Variants in DNAH6 observed in about 807,000 individuals in gnomAD.
The protein encoded by DNAH6 is dynein axonemal heavy chain 6, also known as axonemal beta dynein heavy chain 6.
DNAH6 carries 340 observed loss-of-function variants against 491.4 expected under a neutral mutation model. That is an observed-to-expected ratio of 0.69 (90% CI 0.63 to 0.76). The LOEUF (loss-of-function observed/expected upper bound fraction) is 0.76. Ranked by LOEUF, DNAH6 falls within the 30% of genes least tolerant of loss-of-function variation. The pLI, the probability that DNAH6 is intolerant of heterozygous loss-of-function variation, is 0.00. For synonymous variants in DNAH6, 1,603 were observed against 1,686.1 expected (o/e 0.95, Z 1.21); for missense variants, 4,443 against 4,972.2 (o/e 0.89, Z 3.20).
At position 84,528,977 on chromosome 2, in the gene DNAH6, G is replaced by A. The variant is rs754763316; in HGVS notation, c.473G>A (p.Gly158Asp). Residue 158 changes from glycine to aspartate, a missense_variant, in exon 4 of 77, where the codon GGT becomes GAT. Physicochemically the swap from Gly to Asp is moderately conservative, Grantham distance 94. Transcript: ENST00000389394. ...CCACATACTGGTATTGGAAAAAGAG[G>A]TCTCTTTGGGACTAGATCTTCAGCT... is the stretch of plus-strand genomic sequence containing the variant. ...KLPHTGIGKR[G>D]LFGTRSSAYP... The A allele has an allele frequency of 3.9e-6, 6 of 1,550,844 alleles. No individual in the cohort carries two copies. In the East Asian group the frequency reaches 7.3e-5, roughly 19 times the overall value.
At chr2:84,586,680 G>T (rs796599009) in intron 15 of DNAH6, among the ~76,000 whole-genome samples, 6 of 152,224 alleles carry the variant, frequency 3.9e-5, no homozygotes, top group African/African-American at 1.4e-4. Context: ...ACACTTTAGG[G>T]TTTTATTATT....
chr2:84,566,677 A>G (rs1681227153), intron 11 of DNAH6, among the ~76,000 whole-genome samples: 1 of 152,006 alleles, frequency 6.6e-6, no homozygotes, highest in South Asian at 2.1e-4. Context: ...GCATAAATAG[A>G]CGTCTAAGAA....
At chr2:84,651,669 G>A (rs1221163955) in intron 33 of DNAH6, among the ~76,000 whole-genome samples, 2 of 151,984 alleles carry the variant, frequency 1.3e-5, no homozygotes, top group Non-Finnish European at 2.9e-5. Context: ...AGACACAAGG[G>A]ACTAGTCACT....
In DNAH6 at chr2:84,713,163, A is replaced by G. The variant is rs1265517601; in HGVS notation, c.9447A>G (p.Arg3149=). ...AACAAATTTTTATCAGTGGTGGCCG[A>G]CTACTCATCCGTCTTGGAGACTCAG... ...LLKQIFISGG[R]LLIRLGDSDI... Residue 3149 remains arginine (R), a synonymous_variant, in exon 57 of 77, where the codon CGA becomes CGG. Coordinates refer to ENST00000389394, the MANE Select transcript of DNAH6 (RefSeq NM_001370.2). The G allele has an allele frequency of 1.3e-6, 2 of 1,551,826 alleles. No individual in the cohort carries two copies. Among genetic ancestry groups the G allele is most frequent in the South Asian group, 2.4e-5 (2 of 84,064 alleles).
At chr2:84,560,687 C>T (rs1484433876) in intron 11 of DNAH6, among the ~76,000 whole-genome samples, 3 of 151,932 alleles carry the variant, frequency 2.0e-5, no homozygotes, top group East Asian at 1.9e-4. Context: ...TCAGTTCCCA[C>T]CTATGAGTGA....
At chr2:84,631,606 G>T (rs1573293015) in intron 29 of DNAH6, among the ~76,000 whole-genome samples, 1 of 152,106 alleles carries the variant, frequency 6.6e-6, no homozygotes, top group African/African-American at 2.4e-5. Flanking sequence ...CAGAGAGAAG[G>T]CAGCCAAGTG....
intron 74 of DNAH6, 54 bp downstream of exon 74, chr2:84,813,184 C>T (rs1157241844): frequency 2.2e-6 from 3 of 1,335,032 alleles, no homozygotes; most frequent in Middle Eastern, 3.6e-4. Flanking sequence ...TTCTCATACA[C>T]AGGGTTTTGA....
chr2:84,693,990 A>G (rs1399556556), intron 45 of DNAH6, among the ~76,000 whole-genome samples: 1 of 152,128 alleles, frequency 6.6e-6, no homozygotes, highest in Admixed American at 6.6e-5. Flanking sequence ...GGAAAAAGAG[A>G]TTTTACTTTA....
chr2:84,719,359 G>A (rs780797992), intron 59 of DNAH6, among the ~76,000 whole-genome samples: 35 of 150,360 alleles, frequency 2.3e-4, no homozygotes, highest in Non-Finnish European at 4.7e-4. Flanking sequence ...TTATTTTTTA[G>A]CAAAGTTGTA....
At chr2:84,780,377 G>A (rs1043103836) in intron 64 of DNAH6, among the ~76,000 whole-genome samples, 1 of 143,992 alleles carries the variant, frequency 6.9e-6, no homozygotes, top group Non-Finnish European at 1.6e-5. Flanking sequence ...TTGTTTTGAG[G>A]GGACAGTCTT....
chr2:84,651,527 G>C (rs1035670356), intron 33 of DNAH6, among the ~76,000 whole-genome samples: 21 of 151,920 alleles, frequency 1.4e-4, no homozygotes, highest in African/African-American at 5.1e-4. Context: ...TTTCTGTCTT[G>C]CTGGGCTGCC....
chr2:84,740,463 A>G (rs1672416827), intron 62 of DNAH6, among the ~76,000 whole-genome samples: 1 of 152,182 alleles, frequency 6.6e-6, no homozygotes, highest in African/African-American at 2.4e-5. Flanking sequence ...CACTGAGAAG[A>G]AGGGTGGCGG....
intron 54 of DNAH6, 143 bp downstream of exon 54, chr2:84,707,859 T>G: frequency 1.6e-6 from 1 of 632,684 alleles, no homozygotes; most frequent in Non-Finnish European, 2.7e-6. Flanking sequence ...TTCACAGCGC[T>G]TCACTCCCCA....
chr2:84,617,394 A>C (rs1686964075), intron 23 of DNAH6, among the ~76,000 whole-genome samples: 1 of 152,080 alleles, frequency 6.6e-6, no homozygotes. Flanking sequence ...ATGCACAATT[A>C]AATTATTACT....
the DNAH6 span, among the ~76,000 whole-genome samples, chr2:84,505,176 A>G: frequency 6.6e-6 from 1 of 152,204 alleles, no homozygotes; most frequent in Non-Finnish European, 1.5e-5. Flanking sequence ...ACATAGGAAT[A>G]CAACTGATTT....
chr2:84,667,430 A>G (rs1692245181), intron 37 of DNAH6, among the ~76,000 whole-genome samples: 1 of 152,226 alleles, frequency 6.6e-6, no homozygotes, highest in Non-Finnish European at 1.5e-5. Flanking sequence ...CACATCAAAA[A>G]GTGGGCGAAG....
intron 4 of DNAH6, among the ~76,000 whole-genome samples, chr2:84,537,780 C>A (rs1422847593): frequency 6.6e-6 from 1 of 152,002 alleles, no homozygotes; most frequent in African/African-American, 2.4e-5. Flanking sequence ...CTTCACCTCA[C>A]CATTATTTCA....
Position 84,701,229 on chromosome 2 carries a change from C to A in DNAH6, c.7951C>A (p.Arg2651Ser), listed in dbSNP as rs371507847. The A allele has an allele frequency of 6.4e-7, 1 of 1,551,614 alleles. No individual in the cohort carries two copies. The highest frequency in any genetic ancestry group is 1.2e-5 in the South Asian group (1 of 84,054). Residue 2651 changes from arginine to serine, a missense_variant, in exon 49 of 77, where the codon CGC becomes AGC. Arg to Ser is a moderately radical substitution (Grantham distance 110, BLOSUM62 -1). Coordinates refer to ENST00000389394, the MANE Select transcript of DNAH6 (RefSeq NM_001370.2). ...CTTGAGTGTCTCCAGCATGGCAGAGCGCTATTACAATGAGCTGCGCAGGCG... is the reference window on the plus strand; with the variant it reads ...CTTGAGTGTCTCCAGCATGGCAGAGAGCTATTACAATGAGCTGCGCAGGCG... ...VHLSVSSMAE[R>S]YYNELRRRYY...
intron 33 of DNAH6, 81 bp from the exon 34 acceptor site, chr2:84,653,238 T>C: frequency 8.5e-7 from 1 of 1,172,936 alleles, no homozygotes; most frequent in South Asian, 1.6e-5. Context: ...ATAAGACTCA[T>C]AATATTTCAT....
Sources: allele counts gnomAD v4.1 joint callset (sites outside exome capture counted in the v4.1 genomes callset), GRCh38; gene constraint gnomAD v4.1.1; transcripts MANE v1.5; gene names NCBI Gene and HGNC (gene_info 2026-07-23, HGNC 2026-07-21).